The following FBXO15 variants were observed in gnomAD, a reference collection of about 807,000 sequenced individuals.
FBXO15 encodes F-box only protein 15.
In FBXO15, 30 loss-of-function variants were observed where a neutral mutation model predicts 49.5. The ratio of observed to expected loss-of-function variants is 0.61; its 90% CI spans 0.45 to 0.82. FBXO15 has a LOEUF of 0.82. Among genes scored for constraint, FBXO15 ranks in the 40% least tolerant of loss-of-function variants. The pLI, the probability that FBXO15 is intolerant of heterozygous loss-of-function variation, is 0.00. For missense variants in FBXO15, 591 were observed against 631.5 expected (o/e 0.94, Z 0.69); for synonymous variants, 250 against 232.7 (o/e 1.07, Z -0.68).
intron 1 of FBXO15, chr18:74,147,441 A>C: frequency 8.6e-7 from 1 of 1,164,128 alleles, no homozygotes. Context: ...AGGCGCCGCA[A>C]GAAAAAATAT....
chr18:74,118,817 T>C (rs989247085), intron 8 of FBXO15, among the ~76,000 whole-genome samples: 56 of 152,326 alleles, frequency 3.7e-4, no homozygotes, highest in Non-Finnish European at 6.8e-4. Context: ...CCAAGTAACC[T>C]ACCCTAGGTA....
At chr18:74,114,925 A>C (rs1914164334) in intron 8 of FBXO15, among the ~76,000 whole-genome samples, 1 of 152,228 alleles carries the variant, frequency 6.6e-6, no homozygotes, top group African/African-American at 2.4e-5. Context: ...AAGGAAAAAA[A>C]GAAAGGACAC....
At chr18:74,089,124 T>C (rs570369475) in intron 8 of FBXO15, among the ~76,000 whole-genome samples, 1 of 152,290 alleles carries the variant, frequency 6.6e-6, no homozygotes, top group South Asian at 2.1e-4. Context: ...CCTGATGCTC[T>C]CTCTTTCCAC....
chr18:74,076,049 A>C (rs1237754946), intron 9 of FBXO15: 2 of 152,230 alleles, frequency 1.3e-5, no homozygotes, highest in Non-Finnish European at 2.9e-5. Flanking sequence ...CTCCCAGCAA[A>C]GCTCTCCTGG....
intron 8 of FBXO15, among the ~76,000 whole-genome samples, chr18:74,087,795 T>C (rs1291204664): frequency 6.6e-6 from 1 of 152,232 alleles, no homozygotes; most frequent in Non-Finnish European, 1.5e-5. Context: ...GCCAAACTGC[T>C]TTCCACAATG....
intron 8 of FBXO15, among the ~76,000 whole-genome samples, chr18:74,119,515 G>T (rs1398711702): frequency 1.3e-5 from 2 of 152,196 alleles, no homozygotes; most frequent in Non-Finnish European, 2.9e-5. Context: ...AGGCAGGCAG[G>T]TGAGAAATGG....
intron 8 of FBXO15, among the ~76,000 whole-genome samples, chr18:74,105,552 G>T (rs1185953877): frequency 6.6e-6 from 1 of 151,738 alleles, no homozygotes; most frequent in African/African-American, 2.4e-5. Flanking sequence ...CGATTCTCCT[G>T]CCTCAGCCTC....
At chr18:74,076,240 C>T (rs1270925639) in intron 9 of FBXO15, 2 of 152,334 alleles carry the variant, frequency 1.3e-5, no homozygotes, top group African/African-American at 2.4e-5. Context: ...TTGCCACTGC[C>T]CTAGTCCAAG....
At chr18:74,123,273 G>A (rs1914547357) in intron 8 of FBXO15, 95 bp downstream of exon 8, 1 of 1,341,474 alleles carries the variant, frequency 7.5e-7, no homozygotes, top group South Asian at 1.4e-5. Flanking sequence ...ATTATAAAGT[G>A]ACCAGTGAGG....
chr18:74,076,107 G>T (rs1379554771), intron 9 of FBXO15: 1 of 152,256 alleles, frequency 6.6e-6, no homozygotes, highest in Non-Finnish European at 1.5e-5. Context: ...TCATCTGGCT[G>T]TGCATGCCTG....
Position 74,135,862 on chromosome 18 carries a change from G to A in FBXO15, c.232C>T (p.Pro78Ser), listed in dbSNP as rs1175974549. 3 of 1,608,182 alleles carry A rather than the reference G, an allele frequency of 1.9e-6. No homozygotes were observed. Among genetic ancestry groups the A allele is most frequent in the African/African-American group, 2.7e-5 (2 of 73,744 alleles). ...SCCSGFLDGMPSEILLKIFSY... is the reference protein window; with the variant it reads ...SCCSGFLDGMSSEILLKIFSY... ...AATATCTTCAGCAAGATTTCTGAAG[G>A]CATTCTGCAAAAACAGAAAAAGAAA... The change falls in exon 3 of 10, where the codon CCT becomes TCT. Residue 78 changes from proline (P) to serine (S), a missense_variant. Transcript: ENST00000419743.
At chr18:74,076,657 C>T (rs949152937) in intron 9 of FBXO15, 2 of 152,244 alleles carry the variant, frequency 1.3e-5, no homozygotes, top group Non-Finnish European at 2.9e-5. Flanking sequence ...TAACTGATCT[C>T]CCCACTCATT....
intron 8 of FBXO15, among the ~76,000 whole-genome samples, chr18:74,084,304 C>T (rs537314710): frequency 4.5e-4 from 69 of 152,218 alleles, no homozygotes; most frequent in Non-Finnish European, 8.4e-4. Context: ...CCTTATAAGC[C>T]GGTCACTGGT....
Position 74,129,456 on chromosome 18 carries a change from C to T in FBXO15, c.734G>A (p.Cys245Tyr). 6.2e-7 allele frequency: 1 copy of T among 1,613,936 alleles called. No individual in the cohort carries two copies. Among genetic ancestry groups the T allele is most frequent in the Non-Finnish European group, 8.5e-7 (1 of 1,179,956 alleles). ...CLASLSTLDLCGMTPVFTDWY... is the reference protein window; with the variant it reads ...CLASLSTLDLYGMTPVFTDWY... ...GTCGGTAAAAACTGGTGTCATGCCA[C>T]ATAAATCTAAGGTTGACAATGATGC... Residue 245 changes from cysteine to tyrosine, a missense_variant, in exon 5 of 10, where the codon TGT (cysteine) becomes TAT (tyrosine). Physicochemically the swap from Cys to Tyr is radical, Grantham distance 194. Transcript: ENST00000419743.
rs1367337479 is a variant in FBXO15, at chr18:74,123,177, GC to G, written c.1138+190del. 9 of 537,396 alleles carry G rather than the reference GC, an allele frequency of 1.7e-5. No individual in the cohort carries two copies. In the African/African-American group the frequency reaches 1.8e-4, roughly 11 times the overall value. The allele number at this position is 537,396 out of a possible 1,614,324, so 33.3% of individuals were successfully genotyped here. ...GAGTGATGGTGGTGAAGGAGACAGA[GC>G]CAGTTCTGAAGAGACTCGGTCCAGT... On this transcript the variant is annotated intron_variant, in intron 8 of 9. Coordinates refer to ENST00000419743, the MANE Select transcript of FBXO15 (RefSeq NM_001142958.2).
At chr18:74,080,221 C>T (rs1233697297) in intron 9 of FBXO15, among the ~76,000 whole-genome samples, 1 of 152,098 alleles carries the variant, frequency 6.6e-6, no homozygotes, top group Non-Finnish European at 1.5e-5. Context: ...AGAGAAATAC[C>T]TGAGCTGCAC....
intron 5 of FBXO15, among the ~76,000 whole-genome samples, chr18:74,128,799 C>T (rs1568177063): frequency 6.6e-6 from 1 of 152,174 alleles, no homozygotes; most frequent in Admixed American, 6.5e-5. Context: ...TAGTAAAGGG[C>T]TCACTAAGCA....
At position 74,124,495 on chromosome 18, in the gene FBXO15, G is replaced by T. The variant is rs139706468; in HGVS notation, c.989C>A (p.Ala330Asp). Residue 330 changes from alanine (A) to aspartate (D), a missense_variant, in exon 7 of 10, where the codon GCT (alanine) becomes GAT (aspartate). Coordinates refer to ENST00000419743, the MANE Select transcript of FBXO15 (RefSeq NM_001142958.2). The stretch of plus-strand genomic sequence containing the variant: ...CCCACATATAAATACATACATAGTA[G>T]CCGAGCCTAATGTGCTCCTCTCCAC... Reference protein sequence around the residue: ...HLVERSTLGSATIPYELPPHS... With the variant: ...HLVERSTLGSDTIPYELPPHS... 4.8e-4 allele frequency: 771 copies of T among 1,613,660 alleles called. 1 individual carries two copies. Among genetic ancestry groups the T allele is most frequent in the Middle Eastern group, 6.6e-4 (4 of 6,058 alleles).
intron 1 of FBXO15, among the ~76,000 whole-genome samples, chr18:74,142,174 C>G (rs1979119389): frequency 6.6e-6 from 1 of 152,152 alleles, no homozygotes; most frequent in African/African-American, 2.4e-5. Flanking sequence ...GGTTTTCAAT[C>G]TGTGCTCTGC....
Sources: gnomAD v4.1 joint callset for allele counts (sites outside exome capture counted in the v4.1 genomes callset) on GRCh38, gnomAD v4.1.1 for gene constraint, MANE v1.5 for transcripts, NCBI Gene and HGNC (gene_info 2026-07-23, HGNC 2026-07-21) for gene names.